NPAS2: variants seen among roughly 807,000 people sequenced by gnomAD.
The protein encoded by NPAS2 is neuronal PAS domain protein 2, also known as neuronal PAS domain-containing protein 2.
A neutral mutation model predicts 107.5 loss-of-function variants in NPAS2; 23 were observed. That is an observed-to-expected ratio of 0.21 (90% CI 0.15 to 0.30). The LOEUF is 0.30. Among genes scored for constraint, NPAS2 ranks in the 10% least tolerant of loss-of-function variants. NPAS2 has a pLI of 1.00. For synonymous variants in NPAS2, 403 were observed against 417.5 expected, an observed-to-expected ratio of 0.97 and a Z score of 0.42; for missense variants, 756 against 1,043.3, an observed-to-expected ratio of 0.72 and a Z score of 3.79.
intron 5 of NPAS2, among the ~76,000 whole-genome samples, chr2:100,945,279 G>A (rs993852949): frequency 1.1e-4 from 16 of 152,194 alleles, no homozygotes; most frequent in South Asian, 2.1e-4. Context: ...CACACCCACC[G>A]GAACACTGAC....
intron 1 of NPAS2, among the ~76,000 whole-genome samples, chr2:100,842,081 G>GCGCGCACACACACACACACA: frequency 1.4e-4 from 21 of 148,798 alleles, no homozygotes; most frequent in Non-Finnish European, 2.4e-4. Context: ...GCATGTACGC[G>GCGCGCACACACACACACACA]CACACACACA....
rs1162622816 is a variant in NPAS2 at position 100,968,900 on chromosome 2, C to G, written c.1055+472C>G. On this transcript the variant is annotated intron_variant, in intron 11 of 20. Transcript: ENST00000335681. This position sits in a 1 kb window ranked among gnomAD's most constrained non-coding sequence, Gnocchi z 5.3. ...GGCAACTGAGGCAGTGTTGGGAAAA[C>G]AGCCTGGCTGCCAGTGGGCGCGGGT... Among the ~76,000 whole-genome samples, 1 of 152,190 alleles carries G rather than the reference C, an allele frequency of 6.6e-6. No homozygotes were observed. Among genetic ancestry groups the G allele is most frequent in the Non-Finnish European group, 1.5e-5 (1 of 68,032 alleles).
rs539960227 is a variant in NPAS2 at position 100,886,288 on chromosome 2, A to G, written c.-22-18445A>G. Among the ~76,000 whole-genome samples the G allele has an allele frequency of 2.6e-5, 4 of 152,314 alleles. No homozygotes were observed. The South Asian group carries it at 8.3e-4, about 32-fold the overall frequency. On this transcript the variant is annotated intron_variant, in intron 1 of 20. Transcript: ENST00000335681. Reference sequence around the variant, plus strand: ...GTTTGTTTGTCTTCAGCTCTTCAGGAAAACACTGTTACACAAGCCAAGGTC... The same window carrying G: ...GTTTGTTTGTCTTCAGCTCTTCAGGGAAACACTGTTACACAAGCCAAGGTC...
intron 1 of NPAS2, among the ~76,000 whole-genome samples, chr2:100,870,218 T>G (rs1679498215): frequency 6.6e-6 from 1 of 152,028 alleles, no homozygotes; most frequent in Non-Finnish European, 1.5e-5. Context: ...GACTTTCATA[T>G]TAGCTCAACA....
rs547152692 is a variant in NPAS2 at position 100,940,397 on chromosome 2, C to T, written c.363+2555C>T. On this transcript the variant is annotated intron_variant, in intron 5 of 20. Transcript: ENST00000335681. ...GCATACTTAACTATTAAATATCACT[C>T]CTTGTGAGCCCAGGTCCTTTCCACA... is the stretch of plus-strand genomic sequence containing the variant. 4.6e-5 allele frequency among the ~76,000 whole-genome samples: 7 copies of T among 152,340 alleles called. 1 individual carries two copies. The Middle Eastern group carries it at 0.014, about 296-fold the overall frequency.
At chr2:100,913,840 C>T (rs994028530) in intron 2 of NPAS2, among the ~76,000 whole-genome samples, 1 of 152,110 alleles carries the variant, frequency 6.6e-6, no homozygotes, top group Non-Finnish European at 1.5e-5. Context: ...TGGGGGTGCT[C>T]GATGTCATTC....
At chr2:100,899,603 G>A (rs531270034) in intron 1 of NPAS2, among the ~76,000 whole-genome samples, 1 of 152,188 alleles carries the variant, frequency 6.6e-6, no homozygotes, top group South Asian at 2.1e-4. Flanking sequence ...CAGGAAACTG[G>A]GTGTGGGGAT....
At chr2:100,917,657 C>A (rs1174127786) in intron 2 of NPAS2, among the ~76,000 whole-genome samples, 2 of 152,084 alleles carry the variant, frequency 1.3e-5, no homozygotes, top group Non-Finnish European at 2.9e-5. Flanking sequence ...ATTCAAAGGG[C>A]CATAAGGAAA....
chr2:100,857,554 C>T (rs1678656838), intron 1 of NPAS2, among the ~76,000 whole-genome samples: 1 of 152,178 alleles, frequency 6.6e-6, no homozygotes, highest in Admixed American at 6.5e-5. Flanking sequence ...CAGGCCACTG[C>T]AGTGACTTGG....
intron 1 of NPAS2, among the ~76,000 whole-genome samples, chr2:100,837,535 A>G (rs1573429956): frequency 6.6e-6 from 1 of 151,484 alleles, no homozygotes; most frequent in Non-Finnish European, 1.5e-5. Context: ...CTGATCTCGA[A>G]CTCCTGACCT....
intron 1 of NPAS2, among the ~76,000 whole-genome samples, chr2:100,869,673 A>T (rs1679446433): frequency 6.6e-6 from 1 of 152,138 alleles, no homozygotes; most frequent in African/African-American, 2.4e-5. Flanking sequence ...ATGTCCATTA[A>T]TACTGAGCAC....
At chr2:100,915,555 G>C (rs1682831484) in intron 2 of NPAS2, among the ~76,000 whole-genome samples, 1 of 152,052 alleles carries the variant, frequency 6.6e-6, no homozygotes, top group African/African-American at 2.4e-5. Context: ...CACCACCCAA[G>C]GTCTATGACT....
At chr2:100,826,316 T>A (rs1375314743) in intron 1 of NPAS2, among the ~76,000 whole-genome samples, 1 of 152,062 alleles carries the variant, frequency 6.6e-6, no homozygotes, top group Admixed American at 6.6e-5. Context: ...GTGGCACATG[T>A]CTGTAATCCT....
intron 3 of NPAS2, among the ~76,000 whole-genome samples, chr2:100,926,862 A>G (rs1683597903): frequency 6.6e-6 from 1 of 151,536 alleles, no homozygotes. Flanking sequence ...CTAAGAAATC[A>G]TTGCCTAATC....
intron 7 of NPAS2, among the ~76,000 whole-genome samples, chr2:100,959,980 G>C (rs1675825599): frequency 6.6e-6 from 1 of 152,084 alleles, no homozygotes. Flanking sequence ...TGAGCCCTTT[G>C]AAAAAAGTTC....
chr2:100,902,603 A>G (rs1454892021), intron 1 of NPAS2, among the ~76,000 whole-genome samples: 1 of 152,230 alleles, frequency 6.6e-6, no homozygotes, highest in African/African-American at 2.4e-5. Flanking sequence ...TATGCTTTGC[A>G]AGGGCAAAGA....
Position 100,988,168 on chromosome 2 carries a change from A to G in NPAS2, c.1719A>G (p.Ala573=), listed in dbSNP as rs1410052279. 4 of 1,614,114 alleles carry G rather than the reference A, an allele frequency of 2.5e-6. No individual in the cohort carries two copies. Among genetic ancestry groups the G allele is most frequent in the Non-Finnish European group, 3.4e-6 (4 of 1,180,044 alleles). ...AQQQLQQRSA[A]VTQPQLGAGP... ...AGCAGCTACAGCAAAGGTCAGCTGC[A>G]GTGACTCAGCCCCAGCTCGGGGCGG... Residue 573 remains alanine (A), a synonymous_variant, in exon 17 of 21, where the codon GCA becomes GCG. Transcript: ENST00000335681.
At chr2:100,970,814 G>A (rs946719311) in intron 11 of NPAS2, 176 bp from the exon 12 acceptor site, 15 of 490,776 alleles carry the variant, frequency 3.1e-5, no homozygotes, top group Non-Finnish European at 3.3e-5. Context: ...CGAATTTAAG[G>A]CAGAGAACGA....
chr2:100,881,456 C>G (rs1300308466), intron 1 of NPAS2, among the ~76,000 whole-genome samples: 3 of 152,226 alleles, frequency 2.0e-5, no homozygotes, highest in Non-Finnish European at 4.4e-5. Context: ...GAGGCCAAGG[C>G]AGGCAGATCA....
Sources: gnomAD v4.1 joint callset for allele counts (sites outside exome capture counted in the v4.1 genomes callset) on GRCh38, gnomAD v4.1.1 for gene constraint, Gnocchi (gnomAD v3.1) non-coding constraint, MANE v1.5 for transcripts, NCBI Gene and HGNC (gene_info 2026-07-23, HGNC 2026-07-21) for gene names.